Variants in HKDC1 observed in about 807,000 individuals in gnomAD.
The protein encoded by HKDC1 is hexokinase HKDC1.
Under a neutral mutation model 96.6 loss-of-function variants are expected in HKDC1, and 66 were observed. The ratio of observed to expected loss-of-function variants is 0.68; its 90% CI spans 0.56 to 0.84. The LOEUF (loss-of-function observed/expected upper bound fraction) is 0.84. HKDC1 is among the 40% of genes least tolerant of loss of function. The probability of loss-of-function intolerance (pLI) is 0.00; values close to 1 mark genes in which losing one functional copy is unlikely to be tolerated. For synonymous variants in HKDC1, 466 were observed against 473.1 expected (o/e 0.98, Z 0.20); for missense variants, 1,211 against 1,208.1 (o/e 1.00, Z -0.04).
rs569923683 is a variant in HKDC1, at chr10:69,245,457, C to A, written c.876-622C>A. ...AAATTAGCCAGGTGTGATGATGCAC[C>A]CCTATGGGAGGCTGAGGCAGGAGGA... On this transcript the variant is annotated intron_variant, in intron 7 of 17. Coordinates refer to ENST00000354624, the MANE Select transcript of HKDC1 (RefSeq NM_025130.4). Among the ~76,000 whole-genome samples, 451 of 149,148 alleles carry A rather than the reference C, an allele frequency of 3.0e-3. 2 individuals are homozygous for A. Among genetic ancestry groups the A allele is most frequent in the Non-Finnish European group, 4.9e-3 (330 of 67,048 alleles).
chr10:69,257,586 G>A (rs1453731219), intron 14 of HKDC1, among the ~76,000 whole-genome samples, 160 bp downstream of exon 14: 4 of 152,112 alleles, frequency 2.6e-5, no homozygotes, highest in Non-Finnish European at 5.9e-5. Flanking sequence ...AGTTCTTTCT[G>A]CATTAAGAGT....
intron 11 of HKDC1, 41 bp downstream of exon 11, chr10:69,250,476 C>T (rs745662357): frequency 1.9e-6 from 3 of 1,612,094 alleles, no homozygotes; most frequent in African/African-American, 2.7e-5. Context: ...AGGTGCCAGC[C>T]TGCCACCCTG....
At chr10:69,222,243 G>A (rs1280838531) in intron 1 of HKDC1, among the ~76,000 whole-genome samples, 1 of 152,178 alleles carries the variant, frequency 6.6e-6, no homozygotes, top group Admixed American at 6.5e-5. Context: ...AAGAAAGAGA[G>A]AGAGGAAGTG....
In HKDC1 at chr10:69,238,372, T is replaced by C. The variant is rs1166388943; in HGVS notation, c.496-670T>C. 1.6e-3 allele frequency among the ~76,000 whole-genome samples: 3 copies of C among 1,926 alleles called. 1 individual carries two copies. The highest frequency in any genetic ancestry group is 6.8e-3 in the Admixed American group (1 of 148). The allele number at this position is 1,926 out of a possible 152,430, so 1.3% of individuals were successfully genotyped here. ...GTATAATACACCAGGTATTTTCTTT[T>C]TTTTTTTTTTTTTTTGAGACGGAGT... On this transcript the variant is annotated intron_variant, in intron 4 of 17. Transcript: ENST00000354624.
At chr10:69,224,345 G>T (rs777395744) in intron 1 of HKDC1, among the ~76,000 whole-genome samples, 1 of 151,964 alleles carries the variant, frequency 6.6e-6, no homozygotes. Flanking sequence ...GTGCAGTGGC[G>T]CGATCTCGGC....
intron 7 of HKDC1, among the ~76,000 whole-genome samples, 196 bp from the exon 8 acceptor site, chr10:69,245,883 G>A (rs372310393): frequency 6.6e-6 from 1 of 152,158 alleles, no homozygotes; most frequent in Non-Finnish European, 1.5e-5. Flanking sequence ...CCCTATGCTC[G>A]ATGTGAGAAT....
At chr10:69,246,980 G>A (rs1426480827) in intron 8 of HKDC1, among the ~76,000 whole-genome samples, 1 of 152,244 alleles carries the variant, frequency 6.6e-6, no homozygotes, top group East Asian at 1.9e-4. Flanking sequence ...GTGATTAAAA[G>A]TGTGGGTGCT....
chr10:69,242,109 T>C (rs1315952037), intron 6 of HKDC1, among the ~76,000 whole-genome samples: 1 of 152,258 alleles, frequency 6.6e-6, no homozygotes, highest in Non-Finnish European at 1.5e-5. Context: ...TTCTTCTGAA[T>C]TGCTTTTTCT....
chr10:69,239,237 C>T, intron 5 of HKDC1, 100 bp downstream of exon 5: 1 of 747,598 alleles, frequency 1.3e-6, no homozygotes, highest in East Asian at 2.7e-5. Context: ...CATATGGTGC[C>T]TGCATGGAGG....
At chr10:69,238,115 T>C (rs1385836450) in intron 4 of HKDC1, among the ~76,000 whole-genome samples, 1 of 152,266 alleles carries the variant, frequency 6.6e-6, no homozygotes, top group Non-Finnish European at 1.5e-5. Context: ...TTTTCTTTCT[T>C]TCTCTTTATT....
At chr10:69,259,106 TATG>T in intron 15 of HKDC1, 147 bp downstream of exon 15, 1 of 640,084 alleles carries the variant, frequency 1.6e-6, no homozygotes, top group Non-Finnish European at 2.4e-6. Flanking sequence ...AAAAGAAAAA[TATG>T]ATGACAAGTT....
rs1843913240 is a variant in HKDC1 at position 69,267,026 on chromosome 10, G to A, written c.*269G>A. 1 of 318,232 alleles carries A rather than the reference G, an allele frequency of 3.1e-6. No homozygotes were observed. Among genetic ancestry groups the A allele is most frequent in the Non-Finnish European group, 5.8e-6 (1 of 173,024 alleles). The allele number at this position is 318,232 out of a possible 1,614,324, so 19.7% of individuals were successfully genotyped here. A position where few individuals can be genotyped will look rare whatever the true frequency, so the allele number is the denominator to read the frequency against. ...CTGAGAGATCCCCTTTCAACACATT[G>A]TTCAGGTGAGGCTTGAGCTGTCAAT... On this transcript the variant is annotated 3_prime_UTR_variant, in exon 18 of 18. Transcript: ENST00000354624.
At chr10:69,236,284 T>C (rs778373817) in intron 4 of HKDC1, among the ~76,000 whole-genome samples, 7 of 151,560 alleles carry the variant, frequency 4.6e-5, no homozygotes, top group Non-Finnish European at 1.0e-4. Context: ...ATTTTTGTAT[T>C]TTCAGTAGAG....
At chr10:69,252,031 A>C (rs1165617661) in intron 12 of HKDC1, among the ~76,000 whole-genome samples, 1 of 152,152 alleles carries the variant, frequency 6.6e-6, no homozygotes, top group East Asian at 1.9e-4. Flanking sequence ...TAGTGCTGGG[A>C]TTACAGGCGT....
At chr10:69,221,093 T>C (rs1843055194) in intron 1 of HKDC1, among the ~76,000 whole-genome samples, 1 of 151,870 alleles carries the variant, frequency 6.6e-6, no homozygotes, top group South Asian at 2.1e-4. Context: ...GAGGTTGCAG[T>C]GAGCCGAGAT....
At chr10:69,227,983 C>G (rs143468140) in intron 2 of HKDC1, among the ~76,000 whole-genome samples, 1 of 152,204 alleles carries the variant, frequency 6.6e-6, no homozygotes, top group Non-Finnish European at 1.5e-5. Flanking sequence ...TGAGAAATGG[C>G]CTATGTATCT....
At chr10:69,247,275 C>T (rs1482234585) in intron 8 of HKDC1, 85 bp from the exon 9 acceptor site, 63 of 887,538 alleles carry the variant, frequency 7.1e-5, no homozygotes. Flanking sequence ...TTTTCACAAT[C>T]CTGAGAGGTG....
At chr10:69,245,890 GA>G (rs1229754741) in intron 7 of HKDC1, among the ~76,000 whole-genome samples, 188 bp from the exon 8 acceptor site, 4 of 152,220 alleles carry the variant, frequency 2.6e-5, no homozygotes, top group Non-Finnish European at 2.9e-5. Flanking sequence ...CTCGATGTGA[GA>G]ATGGTACCCA....
At chr10:69,250,979 A>T (rs60640343) in intron 12 of HKDC1, among the ~76,000 whole-genome samples, 13,466 of 152,158 alleles carry the variant, frequency 0.089, 936 homozygotes, top group African/African-American at 0.19. Context: ...ACAATTGGGC[A>T]GTAATACGAT....
Sources: gnomAD v4.1 joint callset for allele counts (sites outside exome capture counted in the v4.1 genomes callset) on GRCh38, gnomAD v4.1.1 for gene constraint, MANE v1.5 for transcripts, NCBI Gene and HGNC (gene_info 2026-07-23, HGNC 2026-07-21) for gene names.